DYDC1: variants seen among roughly 807,000 people sequenced by gnomAD.
The protein encoded by DYDC1 is DPY30 domain-containing protein 1.
DYDC1 carries 21 observed loss-of-function variants against 27.9 expected under a neutral mutation model. The ratio of observed to expected loss-of-function variants is 0.75; its 90% CI spans 0.53 to 1.08. The LOEUF is 1.08. Among genes scored for constraint, DYDC1 ranks in the 50% least tolerant of loss-of-function variants. DYDC1 has a pLI of 0.00. For missense variants in DYDC1, 202 were observed against 205.9 expected (o/e 0.98, Z 0.12); for synonymous variants, 67 against 65.8 (o/e 1.02, Z -0.09).
chr10:80,354,486 C>CAAAAA (rs1012219418), intron 1 of DYDC1: 2 of 69,296 alleles, frequency 2.9e-5, no homozygotes, highest in Non-Finnish European at 5.7e-5. Context: ...AACTTCGTCT[C>CAAAAA]AAAAAAAAAA....
chr10:80,346,521 C>T (rs377388729), intron 3 of DYDC1, among the ~76,000 whole-genome samples: 5 of 133,232 alleles, frequency 3.8e-5, no homozygotes, highest in East Asian at 2.6e-4. Flanking sequence ...AGTGCAGTGG[C>T]GCGATCTCAG....
At chr10:80,340,076 C>G (rs146905406) in intron 4 of DYDC1, among the ~76,000 whole-genome samples, 1 of 152,150 alleles carries the variant, frequency 6.6e-6, no homozygotes, top group Non-Finnish European at 1.5e-5. Context: ...CCTCAGAAGC[C>G]GTTAAGGCCC....
chr10:80,351,704 T>A (rs11202652), intron 3 of DYDC1, among the ~76,000 whole-genome samples, 197 bp downstream of exon 3: 53,225 of 152,106 alleles, frequency 0.35, 10,511 homozygotes, highest in East Asian at 0.8. Flanking sequence ...TGTATATGTG[T>A]ATACAAGAAT....
intron 6 of DYDC1, 126 bp downstream of exon 6, chr10:80,338,341 T>A: frequency 7.2e-7 from 1 of 1,388,414 alleles, no homozygotes; most frequent in South Asian, 1.8e-5. Context: ...TTTCTTTCTC[T>A]GAAGCAAAAG....
chr10:80,351,852 G>T (rs367915676), intron 3 of DYDC1, 49 bp downstream of exon 3: 4 of 1,551,640 alleles, frequency 2.6e-6, no homozygotes, highest in Non-Finnish European at 3.5e-6. Context: ...CCATGCTGAG[G>T]TTGGCATCGT....
At chr10:80,339,789 T>G (rs1462536984) in intron 4 of DYDC1, among the ~76,000 whole-genome samples, 1 of 152,180 alleles carries the variant, frequency 6.6e-6, no homozygotes, top group Non-Finnish European at 1.5e-5. Flanking sequence ...AGAAGACCAG[T>G]GATTTCTTGA....
At chr10:80,337,953 G>T in intron 6 of DYDC1, 1 of 432,912 alleles carries the variant, frequency 2.3e-6, no homozygotes, top group Non-Finnish European at 3.1e-6. Context: ...ACTATTAAAT[G>T]TTCATCTAAT....
intron 3 of DYDC1, among the ~76,000 whole-genome samples, chr10:80,346,942 T>G (rs943228653): frequency 6.6e-6 from 1 of 151,520 alleles, no homozygotes; most frequent in Non-Finnish European, 1.5e-5. Flanking sequence ...TAGCCAGGTG[T>G]GGTGGCGGGT....
rs915769290 is a variant in DYDC1, at chr10:80,352,662, T to C, written c.-9-52A>G. The stretch of plus-strand genomic sequence containing the variant: ...TGCAGGATATTTTCAATAAAGTCAC[T>C]ATAAAACTAAAGTCCAGTGAGGTGA... On this transcript the variant is annotated intron_variant, in intron 1 of 6. Coordinates refer to ENST00000372202, the MANE Select transcript of DYDC1 (RefSeq NM_001269053.2). 2.4e-5 allele frequency: 37 copies of C among 1,548,544 alleles called. No individual in the cohort carries two copies. In the African/African-American group the frequency reaches 4.3e-4, roughly 18 times the overall value.
chr10:80,352,436 G>T lies in DYDC1; in HGVS notation c.147+19C>A, dbSNP rs1476705446. 6.4e-7 allele frequency: 1 copy of T among 1,553,608 alleles called. No homozygotes were observed. Among genetic ancestry groups the T allele is most frequent in the South Asian group, 1.3e-5 (1 of 79,260 alleles). On this transcript the variant is annotated intron_variant, in intron 2 of 6. Coordinates refer to ENST00000372202, the MANE Select transcript of DYDC1 (RefSeq NM_001269053.2). ...CAGTTTTTTTTCTTCTAATTTCCTA[G>T]AAGGAGATTCCTACTTACCAGTTGT...
chr10:80,342,118 A>T, intron 4 of DYDC1, 151 bp downstream of exon 4: 1 of 638,970 alleles, frequency 1.6e-6, no homozygotes, highest in Non-Finnish European at 2.6e-6. Context: ...AGACTGAAAA[A>T]GGTTATGAGA....
At chr10:80,345,492 T>A (rs984378569) in intron 3 of DYDC1, among the ~76,000 whole-genome samples, 2 of 152,180 alleles carry the variant, frequency 1.3e-5, no homozygotes, top group Non-Finnish European at 2.9e-5. Flanking sequence ...TTGGCTATCA[T>A]CCTCATGCTG....
chr10:80,342,884 G>A (rs1018038190), intron 3 of DYDC1, among the ~76,000 whole-genome samples: 13 of 151,454 alleles, frequency 8.6e-5, no homozygotes, highest in African/African-American at 3.2e-4. Context: ...GGGAGGCTGA[G>A]GCAGGAGAAT....
intron 6 of DYDC1, chr10:80,337,547 TC>T: frequency 4.1e-6 from 2 of 491,702 alleles, no homozygotes; most frequent in Non-Finnish European, 5.3e-6. Flanking sequence ...CATATGAGTC[TC>T]CACTGCCTTC....
At chr10:80,353,162 A>G (rs1167774973) in intron 1 of DYDC1, among the ~76,000 whole-genome samples, 1 of 151,972 alleles carries the variant, frequency 6.6e-6, no homozygotes, top group Non-Finnish European at 1.5e-5. Context: ...AAAAAAAAAA[A>G]TCCATAAATT....
intron 3 of DYDC1, among the ~76,000 whole-genome samples, chr10:80,344,469 T>G (rs1341396814): frequency 6.6e-6 from 1 of 152,160 alleles, no homozygotes; most frequent in Non-Finnish European, 1.5e-5. Flanking sequence ...ACTGCTCAGT[T>G]GTTGTTTATG....
At chr10:80,341,853 T>C (rs1298238740) in intron 4 of DYDC1, among the ~76,000 whole-genome samples, 1 of 152,058 alleles carries the variant, frequency 6.6e-6, no homozygotes, top group African/African-American at 2.4e-5. Context: ...GGAGAAACCC[T>C]GTCTCTACCA....
chr10:80,345,790 T>G (rs1842581393), intron 3 of DYDC1, among the ~76,000 whole-genome samples: 1 of 152,206 alleles, frequency 6.6e-6, no homozygotes, highest in African/African-American at 2.4e-5. Flanking sequence ...CTGAATAATA[T>G]TCTTTTATAT....
At position 80,356,732 on chromosome 10, in the gene DYDC1, G is replaced by A; in HGVS notation, c.-30C>T. ...CTCACCCCTACACACGCGCCTGCTC[G>A]CCACCCAGGAGCGGCGTCCCGTTGC... On this transcript the variant is annotated 5_prime_UTR_variant, in exon 1 of 7. Coordinates refer to ENST00000372202, the MANE Select transcript of DYDC1 (RefSeq NM_001269053.2). 5.1e-6 allele frequency: 5 copies of A among 985,388 alleles called. No individual in the cohort carries two copies. Among genetic ancestry groups the A allele is most frequent in the Non-Finnish European group, 6.0e-6 (5 of 829,908 alleles). 61.0% of individuals were successfully genotyped at this position (985,388 alleles called of 1,614,324 possible). A position where few individuals can be genotyped will look rare whatever the true frequency, so the allele number is the denominator to read the frequency against.
Sources: allele counts gnomAD v4.1 joint callset (sites outside exome capture counted in the v4.1 genomes callset), GRCh38; gene constraint gnomAD v4.1.1; transcripts MANE v1.5; gene names NCBI Gene and HGNC (gene_info 2026-07-23, HGNC 2026-07-21).